Variants in AKAP13 observed in about 807,000 individuals in gnomAD.
AKAP13 encodes the protein A-kinase anchoring protein 13, also known as A-kinase anchor protein 13.
AKAP13 carries 80 observed loss-of-function variants against 264.5 expected under a neutral mutation model. That is an observed-to-expected ratio of 0.30 (90% CI 0.25 to 0.36). The LOEUF (loss-of-function observed/expected upper bound fraction) is 0.36. Among genes scored for constraint, AKAP13 ranks in the 10% least tolerant of loss-of-function variants. The pLI is 1.00. For missense variants in AKAP13, 3,712 were observed against 3,435.2 expected, an observed-to-expected ratio of 1.08 and a Z score of -2.01; for synonymous variants, 1,380 against 1,250.2, an observed-to-expected ratio of 1.10 and a Z score of -2.19.
intron 8 of AKAP13, among the ~76,000 whole-genome samples, chr15:85,593,483 C>T (rs1413225725): frequency 6.6e-6 from 1 of 151,598 alleles, no homozygotes; most frequent in Non-Finnish European, 1.5e-5. Context: ...ATCCTCCTGC[C>T]TTGGCCTCCC....
At chr15:85,668,020 A>T (rs1205317244) in intron 13 of AKAP13, among the ~76,000 whole-genome samples, 4 of 151,806 alleles carry the variant, frequency 2.6e-5, no homozygotes, top group African/African-American at 4.8e-5. Flanking sequence ...ATCTCTACTT[A>T]CCCATAGTTT....
At chr15:85,469,828 G>C (rs17553734) in intron 1 of AKAP13, among the ~76,000 whole-genome samples, 45,471 of 152,166 alleles carry the variant, frequency 0.3, 9,000 homozygotes, top group Non-Finnish European at 0.44. Context: ...TGTCGATACA[G>C]AACTTGTGAT....
intron 1 of AKAP13, among the ~76,000 whole-genome samples, chr15:85,441,989 T>G (rs1020230348): frequency 1.3e-5 from 2 of 152,172 alleles, no homozygotes; most frequent in Non-Finnish European, 2.9e-5. Flanking sequence ...AGAGTTCTGG[T>G]CAATTTGGCT....
chr15:85,420,440 C>G (rs984512669), intron 1 of AKAP13, among the ~76,000 whole-genome samples: 1 of 152,174 alleles, frequency 6.6e-6, no homozygotes, highest in Non-Finnish European at 1.5e-5. Flanking sequence ...CTTATCTTTC[C>G]TGCTTGAAAA....
chr15:85,385,906 A>G (rs1596000271), intron 1 of AKAP13, among the ~76,000 whole-genome samples: 2 of 152,272 alleles, frequency 1.3e-5, no homozygotes, highest in Admixed American at 6.5e-5. Flanking sequence ...GCTCACTGCA[A>G]CGTCTGCCTC....
Position 85,488,137 on chromosome 15 carries a change from G to A in AKAP13, c.33+2384G>A, listed in dbSNP as rs535784834. ...TGGGCTCAAGTGATCCTTCCACCTC[G>A]GCCTCCCAAAGTGCTGGGATTACAG... On this transcript the variant is annotated intron_variant, in intron 2 of 36. Coordinates refer to ENST00000394518, the MANE Select transcript of AKAP13 (RefSeq NM_007200.5). 9.7e-4 allele frequency among the ~76,000 whole-genome samples: 147 copies of A among 152,160 alleles called. 1 individual carries two copies. The highest frequency in any genetic ancestry group is 1.5e-3 in the Non-Finnish European group (105 of 67,998).
chr15:85,598,475 T>A (rs1040773417), intron 8 of AKAP13, among the ~76,000 whole-genome samples: 2 of 152,220 alleles, frequency 1.3e-5, no homozygotes, highest in African/African-American at 4.8e-5. Flanking sequence ...CATGCACGAA[T>A]CCCTTACTTT....
At chr15:85,506,264 A>G (rs909432406) in intron 2 of AKAP13, among the ~76,000 whole-genome samples, 3 of 152,222 alleles carry the variant, frequency 2.0e-5, no homozygotes, top group African/African-American at 7.2e-5. Context: ...AGCCTGGGCA[A>G]CAGAGCGGGA....
At chr15:85,464,038 A>T (rs1339248548) in intron 1 of AKAP13, among the ~76,000 whole-genome samples, 1 of 152,058 alleles carries the variant, frequency 6.6e-6, no homozygotes, top group Non-Finnish European at 1.5e-5. Context: ...CCCTGTTCCT[A>T]CTTCTTTTTG....
intron 5 of AKAP13, among the ~76,000 whole-genome samples, chr15:85,550,681 G>A (rs1323121592): frequency 2.6e-5 from 4 of 152,284 alleles, no homozygotes; most frequent in African/African-American, 9.6e-5. Context: ...GCATAGTAAA[G>A]CAAAAGATGA....
intron 1 of AKAP13, among the ~76,000 whole-genome samples, chr15:85,440,213 C>T (rs978722238): frequency 5.3e-5 from 8 of 152,270 alleles, no homozygotes; most frequent in African/African-American, 1.4e-4. Context: ...ATGGTCATCT[C>T]CTCCCTTTGC....
intron 17 of AKAP13, 40 bp downstream of exon 17, chr15:85,693,491 C>G: frequency 1.3e-6 from 2 of 1,598,836 alleles, no homozygotes; most frequent in Non-Finnish European, 8.5e-7. Flanking sequence ...ATGGAACTCT[C>G]TTGGCTCAAG....
At chr15:85,441,058 A>G (rs2073628476) in intron 1 of AKAP13, among the ~76,000 whole-genome samples, 1 of 152,194 alleles carries the variant, frequency 6.6e-6, no homozygotes, top group Non-Finnish European at 1.5e-5. Context: ...CTTTTTTGTA[A>G]TTATGTTTTC....
intron 30 of AKAP13, among the ~76,000 whole-genome samples, chr15:85,733,948 G>GCTCAGCCTCAGC (rs76982015): frequency 1.4e-5 from 2 of 142,172 alleles, no homozygotes; most frequent in Non-Finnish European, 3.0e-5. Context: ...TGCGATCTTG[G>GCTCAGCCTCAGC]CTCAGCCTCA....
At chr15:85,384,733 AG>A (rs1424779260) in intron 1 of AKAP13, among the ~76,000 whole-genome samples, 20 of 147,974 alleles carry the variant, frequency 1.4e-4, no homozygotes, top group African/African-American at 3.7e-4. Flanking sequence ...AAAAAAAAAA[AG>A]GTTTGTTTCA....
intron 8 of AKAP13, among the ~76,000 whole-genome samples, chr15:85,587,138 C>G (rs1300892072): frequency 1.3e-5 from 2 of 152,172 alleles, no homozygotes; most frequent in African/African-American, 4.8e-5. Context: ...GAAGAAACCC[C>G]AGACCCATTA....
chr15:85,528,872 A>G lies in AKAP13; in HGVS notation c.182-4712A>G, dbSNP rs530465169. On this transcript the variant is annotated intron_variant, in intron 3 of 36. Coordinates refer to ENST00000394518, the MANE Select transcript of AKAP13 (RefSeq NM_007200.5). Reference sequence around the variant, plus strand: ...TCTCCTTCCCCTCTCTAAATCCTCTAGAGTAGCTGCCTTCATAAGTTCAGT... The same window carrying G: ...TCTCCTTCCCCTCTCTAAATCCTCTGGAGTAGCTGCCTTCATAAGTTCAGT... Among the ~76,000 whole-genome samples the G allele has an allele frequency of 2.0e-5, 3 of 152,276 alleles. No individual in the cohort carries two copies. The East Asian group carries it at 5.8e-4, about 29-fold the overall frequency.
intron 10 of AKAP13, among the ~76,000 whole-genome samples, chr15:85,648,220 C>CT: frequency 6.6e-6 from 1 of 152,246 alleles, no homozygotes; most frequent in Non-Finnish European, 1.5e-5. Context: ...ATCATTGAAA[C>CT]TAGGTCATGG....
intron 34 of AKAP13, chr15:85,740,480 G>A (rs2088870723): frequency 1.8e-6 from 1 of 559,426 alleles, no homozygotes; most frequent in Admixed American, 3.1e-5. Context: ...GTGTGCCGTA[G>A]GCATGGCTTG....
Sources: allele counts gnomAD v4.1 joint callset (sites outside exome capture counted in the v4.1 genomes callset), GRCh38; gene constraint gnomAD v4.1.1; transcripts MANE v1.5; gene names NCBI Gene and HGNC (gene_info 2026-07-23, HGNC 2026-07-21).